Variants in SLC30A8 observed in about 807,000 individuals in gnomAD.
SLC30A8 encodes the protein proton-coupled zinc antiporter SLC30A8.
Under a neutral mutation model 36.9 loss-of-function variants are expected in SLC30A8, and 27 were observed. The ratio of observed to expected loss-of-function variants is 0.73; its 90% confidence interval spans 0.54 to 1.01. The LOEUF (loss-of-function observed/expected upper bound fraction) is 1.01, where lower values mean the gene tolerates loss of function less well. SLC30A8 is among the 50% of genes least tolerant of loss of function. The pLI is 0.00. For missense variants in SLC30A8, 439 were observed against 452.0 expected (o/e 0.97, Z 0.26); for synonymous variants, 164 against 172.4 (o/e 0.95, Z 0.38).
intron 2 of SLC30A8, among the ~76,000 whole-genome samples, chr8:117,074,804 A>G (rs114757206): frequency 0.029 from 4,468 of 152,210 alleles, 147 homozygotes; most frequent in African/African-American, 0.085. Flanking sequence ...TCCATCCTTC[A>G]TATCTCATTA....
chr8:117,012,484 G>A (rs1816375424), intron 1 of SLC30A8, among the ~76,000 whole-genome samples: 1 of 151,774 alleles, frequency 6.6e-6, no homozygotes, highest in South Asian at 2.1e-4. Flanking sequence ...ATACAATACA[G>A]TATGACAACT....
chr8:117,140,288 T>C (rs1041495073), intron 1 of SLC30A8, among the ~76,000 whole-genome samples: 1 of 151,996 alleles, frequency 6.6e-6, no homozygotes, highest in Non-Finnish European at 1.5e-5. Flanking sequence ...AACATATTCA[T>C]AATAAGAGGG....
At chr8:117,055,696 T>G (rs930046104) in intron 2 of SLC30A8, 2 of 152,242 alleles carry the variant, frequency 1.3e-5, no homozygotes, top group African/African-American at 4.8e-5. Context: ...AATGAAATAA[T>G]GGAAACCATT....
chr8:117,102,309 T>C (rs147851202), intron 2 of SLC30A8, among the ~76,000 whole-genome samples: 1 of 152,330 alleles, frequency 6.6e-6, no homozygotes. Flanking sequence ...CTAAGAGATG[T>C]CTTTTAAATT....
chr8:116,973,778 A>T (rs903035579), intron 1 of SLC30A8, among the ~76,000 whole-genome samples: 33 of 152,216 alleles, frequency 2.2e-4, no homozygotes, highest in African/African-American at 7.2e-4. Context: ...AAGCTACCTG[A>T]CTTCAAACTA....
At position 117,171,116 on chromosome 8, in the gene SLC30A8, C is replaced by A; in HGVS notation, c.912C>A (p.His304Gln). 1 of 1,613,502 alleles carries A rather than the reference C, an allele frequency of 6.2e-7. No homozygotes were observed. Among genetic ancestry groups the A allele is most frequent in the Non-Finnish European group, 8.5e-7 (1 of 1,179,604 alleles). Residue 304 changes from histidine (H) to glutamine (Q), a missense_variant, in exon 7 of 8, where the codon CAC (histidine) becomes CAA (glutamine). By Grantham distance (24) the His-to-Gln change is conservative. Coordinates refer to ENST00000456015, the MANE Select transcript of SLC30A8 (RefSeq NM_173851.3). The part of the protein sequence containing the change: ...VDGVLSVHSL[H>Q]IWSLTMNQVI... ...GGGTGCTGTCTGTGCACAGCCTGCA[C>A]ATCTGGTCTCTAACAATGAATCAAG...
intron 2 of SLC30A8, among the ~76,000 whole-genome samples, chr8:117,111,274 T>C (rs1820215425): frequency 6.6e-6 from 1 of 152,164 alleles, no homozygotes; most frequent in Non-Finnish European, 1.5e-5. Flanking sequence ...AAAAGATAGG[T>C]AGCTTGTTGT....
intron 1 of SLC30A8, among the ~76,000 whole-genome samples, chr8:117,144,551 G>GA: frequency 6.6e-6 from 1 of 151,740 alleles, no homozygotes; most frequent in Non-Finnish European, 1.5e-5. Flanking sequence ...CAAATAATTG[G>GA]AAAAAAATGA....
chr8:116,983,656 C>CT (rs1815348244), intron 1 of SLC30A8, among the ~76,000 whole-genome samples: 1 of 152,140 alleles, frequency 6.6e-6, no homozygotes, highest in East Asian at 1.9e-4. Context: ...TATTTGCTTT[C>CT]TTTTTTATGT....
At chr8:116,996,791 T>G (rs1001188561) in intron 1 of SLC30A8, among the ~76,000 whole-genome samples, 1 of 152,178 alleles carries the variant, frequency 6.6e-6, no homozygotes, top group Admixed American at 6.5e-5. Flanking sequence ...ATGTTTTGCA[T>G]GTATATATGG....
chr8:117,171,564 A>G (rs1369241934), intron 7 of SLC30A8, among the ~76,000 whole-genome samples: 2 of 152,120 alleles, frequency 1.3e-5, no homozygotes, highest in Non-Finnish European at 2.9e-5. Flanking sequence ...GGCACTGAAA[A>G]TAGGAAGATG....
At chr8:117,135,572 A>T (rs1005819556) in intron 1 of SLC30A8, among the ~76,000 whole-genome samples, 174 bp downstream of exon 1, 2 of 151,990 alleles carry the variant, frequency 1.3e-5, no homozygotes, top group Admixed American at 1.3e-4. Flanking sequence ...AATACTTTAT[A>T]TAGTTGATTT....
intron 2 of SLC30A8, among the ~76,000 whole-genome samples, chr8:117,040,100 T>G (rs1307761600): frequency 6.6e-6 from 1 of 152,238 alleles, no homozygotes; most frequent in East Asian, 1.9e-4. Flanking sequence ...TACAAATTTC[T>G]TTCTGATCAC....
At chr8:117,112,523 C>T (rs770050830) in intron 2 of SLC30A8, among the ~76,000 whole-genome samples, 3 of 152,074 alleles carry the variant, frequency 2.0e-5, no homozygotes, top group African/African-American at 7.2e-5. Flanking sequence ...GAGAAAGCCC[C>T]GGCTCTAATT....
chr8:117,166,766 A>ATTTTTTTTTTTTTTTT lies in SLC30A8; in HGVS notation c.829+3241_829+3256dup, dbSNP rs71305462. Among the ~76,000 whole-genome samples, 63 of 128,646 alleles carry ATTTTTTTTTTTTTTTT rather than the reference A, an allele frequency of 4.9e-4. 2 individuals are homozygous for ATTTTTTTTTTTTTTTT. Among genetic ancestry groups the ATTTTTTTTTTTTTTTT allele is most frequent in the African/African-American group, 1.8e-3 (59 of 33,118 alleles). 84.4% of individuals were successfully genotyped at this position (128,646 alleles called of 152,430 possible). A position where few individuals can be genotyped will look rare whatever the true frequency, so the allele number is the denominator to read the frequency against. ...GATTGAAATATCCAGACATTAGCTG[A>ATTTTTTTTTTTTTTTT]TTTTTTTTTTTTTTTTTTTTGTCCA... On this transcript the variant is annotated intron_variant, in intron 6 of 7. Coordinates refer to ENST00000456015, the MANE Select transcript of SLC30A8 (RefSeq NM_173851.3).
At chr8:117,028,363 A>G (rs552097440) in intron 1 of SLC30A8, among the ~76,000 whole-genome samples, 1 of 152,306 alleles carries the variant, frequency 6.6e-6, no homozygotes, top group East Asian at 1.9e-4. Flanking sequence ...TACAACAAAC[A>G]TTTCTTGAAA....
intron 1 of SLC30A8, among the ~76,000 whole-genome samples, chr8:117,022,129 G>A (rs1316030307): frequency 6.6e-6 from 1 of 151,980 alleles, no homozygotes; most frequent in African/African-American, 2.4e-5. Context: ...GAACCCAGGA[G>A]GCGGAGCTTG....
chr8:117,108,095 A>AT (rs1449954401), intron 2 of SLC30A8, among the ~76,000 whole-genome samples: 10 of 152,166 alleles, frequency 6.6e-5, no homozygotes, highest in African/African-American at 2.4e-4. Context: ...AGTAAATTAT[A>AT]TTTTTCCTTT....
intron 2 of SLC30A8, chr8:117,128,626 A>G (rs776166349): frequency 6.6e-6 from 1 of 151,762 alleles, no homozygotes; most frequent in Non-Finnish European, 1.5e-5. Flanking sequence ...TGCTGAGCAC[A>G]TGTGTTACTT....
Sources: gnomAD v4.1 joint callset for allele counts (sites outside exome capture counted in the v4.1 genomes callset) on GRCh38, gnomAD v4.1.1 for gene constraint, MANE v1.5 for transcripts, NCBI Gene and HGNC (gene_info 2026-07-23, HGNC 2026-07-21) for gene names.